Variants in MALT1 observed in about 807,000 individuals in gnomAD.
MALT1 encodes the protein MALT1 paracaspase, also known as mucosa-associated lymphoid tissue lymphoma translocation protein 1.
MALT1 carries 36 observed loss-of-function variants against 85.5 expected under a neutral mutation model. That is an observed-to-expected ratio of 0.42 (90% CI 0.32 to 0.56). The LOEUF (loss-of-function observed/expected upper bound fraction) is 0.56, where lower values mean the gene tolerates loss of function less well. Among genes scored for constraint, MALT1 ranks in the 20% least tolerant of loss-of-function variants. The probability of loss-of-function intolerance (pLI) is 0.10; values close to 1 mark genes in which losing one functional copy is unlikely to be tolerated. For missense variants in MALT1, 716 were observed against 981.6 expected, an observed-to-expected ratio of 0.73 and a Z score of 3.62; for synonymous variants, 359 against 361.3, an observed-to-expected ratio of 0.99 and a Z score of 0.07.
chr18:58,680,740 G>A (rs554953304), intron 1 of MALT1, among the ~76,000 whole-genome samples: 1 of 152,030 alleles, frequency 6.6e-6, no homozygotes, highest in Admixed American at 6.6e-5. Flanking sequence ...TGGCTAACAA[G>A]GTGAAACCCC....
chr18:58,671,584 GC>G lies in MALT1; in HGVS notation c.-58del. On this transcript the variant is annotated 5_prime_UTR_variant, in exon 1 of 17. Coordinates refer to ENST00000649217, the MANE Select transcript of MALT1 (RefSeq NM_006785.4). ...GGAGGCGAGCGGAAGGTGCCCCGGG[GC>G]CGAGGCCCGTGACGGGGCGGGCGGG... 1 of 1,123,128 alleles carries G rather than the reference GC, an allele frequency of 8.9e-7. No homozygotes were observed. The highest frequency in any genetic ancestry group is 4.6e-5 in the South Asian group (1 of 21,824). The allele number at this position is 1,123,128 out of a possible 1,614,324, so 69.6% of individuals were successfully genotyped here.
Position 58,671,783 on chromosome 18 carries a change from A to G in MALT1, c.140A>G (p.Gln47Arg). Residue 47 changes from glutamine (Q) to arginine (R), a missense_variant, in exon 1 of 17, where the codon CAG becomes CGG. Gln to Arg is a conservative substitution (Grantham distance 43). This residue lies in a region of MALT1 where 80 missense variants were observed against 65.1 expected (regional missense o/e 1.23). Coordinates refer to ENST00000649217, the MANE Select transcript of MALT1 (RefSeq NM_006785.4). ...LLRRLSELLD[Q>R]APEGRGWRRL... The stretch of plus-strand genomic sequence containing the variant: ...CGGAGGCTCAGCGAGCTCCTGGATC[A>G]GGCGCCCGAGGGCCGGGGCTGGAGG... The G allele has an allele frequency of 2.4e-6, 3 of 1,252,444 alleles. No individual in the cohort carries two copies. The highest frequency in any genetic ancestry group is 3.0e-6 in the Non-Finnish European group (3 of 999,722). The allele number at this position is 1,252,444 out of a possible 1,614,324, so 77.6% of individuals were successfully genotyped here.
chr18:58,721,145 C>T (rs1179653248), intron 9 of MALT1, among the ~76,000 whole-genome samples: 1 of 152,100 alleles, frequency 6.6e-6, no homozygotes, highest in African/African-American at 2.4e-5. Context: ...TTTGGAAGGC[C>T]GAGGTGGGCA....
intron 4 of MALT1, among the ~76,000 whole-genome samples, chr18:58,706,140 C>T (rs1218846897): frequency 6.6e-6 from 1 of 152,066 alleles, no homozygotes; most frequent in African/African-American, 2.4e-5. Flanking sequence ...CGCCCGCCAC[C>T]ACGCCTGGCT....
chr18:58,740,995 T>G (rs2055293976), intron 13 of MALT1, among the ~76,000 whole-genome samples: 1 of 151,708 alleles, frequency 6.6e-6, no homozygotes, highest in South Asian at 2.1e-4. Flanking sequence ...CAAATGCTTC[T>G]TCTCTTTTTG....
intron 1 of MALT1, among the ~76,000 whole-genome samples, chr18:58,676,099 T>C (rs190751763): frequency 6.6e-6 from 1 of 152,326 alleles, no homozygotes; most frequent in East Asian, 1.9e-4. Flanking sequence ...CCACGTTGTC[T>C]CTCAACTAGA....
intron 9 of MALT1, among the ~76,000 whole-genome samples, chr18:58,722,041 T>C (rs962166694): frequency 6.6e-6 from 1 of 152,092 alleles, no homozygotes; most frequent in Non-Finnish European, 1.5e-5. Context: ...CTGTCAGCCC[T>C]CAAGAAGAAA....
intron 1 of MALT1, among the ~76,000 whole-genome samples, chr18:58,678,989 C>G (rs1049768973): frequency 6.6e-6 from 1 of 152,220 alleles, no homozygotes; most frequent in Admixed American, 6.5e-5. Flanking sequence ...TGCAGATTAT[C>G]TAAACACTTT....
At chr18:58,725,131 A>G (rs557878828) in intron 10 of MALT1, among the ~76,000 whole-genome samples, 4 of 145,324 alleles carry the variant, frequency 2.8e-5, no homozygotes, top group African/African-American at 1.0e-4. Flanking sequence ...CTCCGTCTCA[A>G]AAAAAAAAAA....
At chr18:58,744,582 T>C (rs2055342555) in intron 15 of MALT1, 87 bp downstream of exon 15, 2 of 622,406 alleles carry the variant, frequency 3.2e-6, no homozygotes, top group African/African-American at 2.0e-5. Context: ...TGATGGTAAA[T>C]ATAAAGGAAA....
At chr18:58,745,441 GCTCA>G (rs2055352817) in intron 15 of MALT1, among the ~76,000 whole-genome samples, 1 of 152,118 alleles carries the variant, frequency 6.6e-6, no homozygotes, top group African/African-American at 2.4e-5. Context: ...CTCTTTCAGA[GCTCA>G]CTTTACTTTT....
chr18:58,742,057 A>C, intron 14 of MALT1, 43 bp downstream of exon 14: 1 of 1,381,502 alleles, frequency 7.2e-7, no homozygotes, highest in Non-Finnish European at 9.6e-7. Context: ...AATATACTTA[A>C]CGTTAAATCA....
chr18:58,685,076 ATATAGT>A (rs1357895793), intron 2 of MALT1, among the ~76,000 whole-genome samples: 1 of 152,184 alleles, frequency 6.6e-6, no homozygotes, highest in African/African-American at 2.4e-5. Flanking sequence ...AAATATATAT[ATATAGT>A]AAGTTTATCT....
rs1602263924 is a variant in MALT1 at position 58,672,085 on chromosome 18, G to A, written c.209+233G>A. The A allele has an allele frequency of 8.7e-6, 3 of 343,688 alleles. No individual in the cohort carries two copies. The East Asian group carries it at 1.3e-4, about 15-fold the overall frequency. 21.3% of individuals were successfully genotyped at this position (343,688 alleles called of 1,614,324 possible). A position where few individuals can be genotyped will look rare whatever the true frequency, so the allele number is the denominator to read the frequency against. Reference sequence around the variant, plus strand: ...GGAGGGTGGAGGCAAAAGTGGCCCAGCGGCTGCCTCGCTCCCTGTTCCCAC... The same window carrying A: ...GGAGGGTGGAGGCAAAAGTGGCCCAACGGCTGCCTCGCTCCCTGTTCCCAC... On this transcript the variant is annotated intron_variant, in intron 1 of 16. Coordinates refer to ENST00000649217, the MANE Select transcript of MALT1 (RefSeq NM_006785.4).
At chr18:58,688,494 A>G (rs996770347) in intron 2 of MALT1, among the ~76,000 whole-genome samples, 1 of 147,122 alleles carries the variant, frequency 6.8e-6, no homozygotes, top group Non-Finnish European at 1.5e-5. Context: ...TCCAGGCAAC[A>G]TATGAGGCCA....
chr18:58,679,947 G>A (rs2054296544), intron 1 of MALT1, among the ~76,000 whole-genome samples: 4 of 152,112 alleles, frequency 2.6e-5, no homozygotes, highest in Admixed American at 2.6e-4. Context: ...TCTTTGGGAG[G>A]CAGAGGCAGG....
At chr18:58,745,602 A>C in intron 15 of MALT1, 64 bp from the exon 16 acceptor site, 1 of 1,424,710 alleles carries the variant, frequency 7.0e-7, no homozygotes, top group East Asian at 2.3e-5. Context: ...TGTCTTATGT[A>C]CTAGATTATA....
intron 3 of MALT1, 106 bp downstream of exon 3, chr18:58,696,593 C>G (rs749522220): frequency 2.5e-5 from 23 of 910,332 alleles, no homozygotes; most frequent in South Asian, 5.6e-5. Context: ...GTAAAAGAGT[C>G]TGATAGACAT....
rs2055386217 is a variant in MALT1, at chr18:58,747,522, C to T, written c.2155C>T (p.Arg719Ter). 2 of 1,613,896 alleles carry T rather than the reference C, an allele frequency of 1.2e-6. No individual in the cohort carries two copies. Among genetic ancestry groups the T allele is most frequent in the South Asian group, 1.1e-5 (1 of 91,074 alleles). Residue 719 changes from arginine (R) to a stop codon, truncating the protein, a stop_gained, in exon 17 of 17, where the codon CGA (arginine) becomes TGA (stop). Transcript: ENST00000649217. LOFTEE classifies it low-confidence loss of function (END_TRUNC). Reference protein sequence around the residue: ...KPLIAKLDMHRGLGRKTCFQT... With the variant: ...KPLIAKLDMH Reference sequence around the variant, plus strand: ...TCTCATTGCTAAATTAGACATGCATCGAGGTTTGGGAAGGAAGACTTGCTT... The same window carrying T: ...TCTCATTGCTAAATTAGACATGCATTGAGGTTTGGGAAGGAAGACTTGCTT...
Sources: allele counts gnomAD v4.1 joint callset (sites outside exome capture counted in the v4.1 genomes callset), GRCh38; gene constraint gnomAD v4.1.1; regional missense constraint gnomAD v4.1.1; transcripts MANE v1.5; gene names NCBI Gene and HGNC (gene_info 2026-07-23, HGNC 2026-07-21).